ZNF385B: variants seen among roughly 807,000 people sequenced by gnomAD.
ZNF385B encodes zinc finger protein 533.
ZNF385B carries 23 observed loss-of-function variants against 39.2 expected under a neutral mutation model. That is an observed-to-expected ratio of 0.59 (90% CI 0.42 to 0.83). The LOEUF (loss-of-function observed/expected upper bound fraction) is 0.83. ZNF385B is among the 40% of genes least tolerant of loss of function. ZNF385B has a pLI of 0.00. For missense variants in ZNF385B, 552 were observed against 598.9 expected (o/e 0.92, Z 0.82); for synonymous variants, 205 against 222.6 (o/e 0.92, Z 0.70).
At chr2:179,571,097 A>G (rs763904303) in intron 3 of ZNF385B, among the ~76,000 whole-genome samples, 24 of 152,344 alleles carry the variant, frequency 1.6e-4, no homozygotes, top group Non-Finnish European at 2.6e-4. Flanking sequence ...ATAGTAGCTA[A>G]CTTTCATTAA....
intron 3 of ZNF385B, among the ~76,000 whole-genome samples, chr2:179,668,332 T>A (rs1233789843): frequency 6.6e-6 from 1 of 152,268 alleles, no homozygotes; most frequent in African/African-American, 2.4e-5. Context: ...AAAACAGGCA[T>A]CTGAAGAGAC....
At position 179,524,573 on chromosome 2, in the gene ZNF385B, A is replaced by G. The variant is rs1017039785; in HGVS notation, c.442-5935T>C. 2.5e-3 allele frequency among the ~76,000 whole-genome samples: 363 copies of G among 146,224 alleles called. 2 individuals carry two copies. Among genetic ancestry groups the G allele is most frequent in the Non-Finnish European group, 4.2e-3 (281 of 67,376 alleles). On this transcript the variant is annotated intron_variant, in intron 4 of 9. Transcript: ENST00000410066. ...TCTCAAAAAAAAAAAAAAAAAAAAA[A>G]AAAAAAAAAAAAAAAAATTTAAAGT...
At chr2:179,610,528 G>A (rs1336703385) in intron 3 of ZNF385B, among the ~76,000 whole-genome samples, 2 of 152,058 alleles carry the variant, frequency 1.3e-5, no homozygotes, top group Non-Finnish European at 2.9e-5. Flanking sequence ...GGATATCATT[G>A]GCTAATCTGG....
At chr2:179,635,143 GA>G (rs1253128353) in intron 3 of ZNF385B, among the ~76,000 whole-genome samples, 134 of 128,214 alleles carry the variant, frequency 1.0e-3, no homozygotes, top group Middle Eastern at 4.1e-3. Context: ...CTCCGTCTCA[GA>G]AAAAAAAAAA....
intron 1 of ZNF385B, among the ~76,000 whole-genome samples, chr2:179,841,886 G>A (rs1196848071): frequency 6.6e-6 from 1 of 152,284 alleles, no homozygotes; most frequent in East Asian, 1.9e-4. Flanking sequence ...GGCAATGGAC[G>A]CCTGAGAGGA....
chr2:179,576,197 T>C, intron 3 of ZNF385B: 3 of 985,274 alleles, frequency 3.0e-6, no homozygotes, highest in Non-Finnish European at 3.6e-6. Flanking sequence ...CTTCACATCA[T>C]TACTGGACTC....
At chr2:179,816,208 G>A (rs778585582) in intron 1 of ZNF385B, among the ~76,000 whole-genome samples, 6 of 152,022 alleles carry the variant, frequency 3.9e-5, no homozygotes, top group East Asian at 1.9e-4. Context: ...AATCATCAAC[G>A]GGTCTCCATT....
intron 6 of ZNF385B, among the ~76,000 whole-genome samples, chr2:179,468,983 T>A (rs75037613): frequency 0.014 from 2,098 of 152,268 alleles, 44 homozygotes; most frequent in Middle Eastern, 0.037. Context: ...TATAAAAAAA[T>A]TCTAATGTAT....
chr2:179,798,306 CA>C (rs1705807902), intron 1 of ZNF385B, among the ~76,000 whole-genome samples: 1 of 151,960 alleles, frequency 6.6e-6, no homozygotes, highest in Non-Finnish European at 1.5e-5. Context: ...TCTCCAAGGA[CA>C]CCCCATTCCT....
At chr2:179,594,793 A>T (rs1687858696) in intron 3 of ZNF385B, among the ~76,000 whole-genome samples, 1 of 86,540 alleles carries the variant, frequency 1.2e-5, no homozygotes, top group African/African-American at 4.0e-5. Flanking sequence ...GATATAGGTA[A>T]ACTCTTTTTT....
At chr2:179,760,383 T>C (rs766066432) in intron 3 of ZNF385B, among the ~76,000 whole-genome samples, 3 of 152,166 alleles carry the variant, frequency 2.0e-5, no homozygotes, top group Non-Finnish European at 2.9e-5. Flanking sequence ...CCTCTACTTC[T>C]ACAATTTTGC....
intron 3 of ZNF385B, among the ~76,000 whole-genome samples, chr2:179,629,295 C>G (rs1209799564): frequency 6.6e-6 from 1 of 152,210 alleles, no homozygotes; most frequent in African/African-American, 2.4e-5. Context: ...CAGCCAGCAT[C>G]TGAAATTTTA....
At chr2:179,483,460 A>AT (rs778136413) in intron 5 of ZNF385B, 26 bp from the exon 6 acceptor site, 98 of 1,612,864 alleles carry the variant, frequency 6.1e-5, no homozygotes, top group Admixed American at 5.8e-4. Flanking sequence ...AATCAGGCTC[A>AT]TTTTTTTGCT....
intron 3 of ZNF385B, among the ~76,000 whole-genome samples, chr2:179,592,354 T>G (rs1253611676): frequency 6.6e-6 from 1 of 152,252 alleles, no homozygotes; most frequent in Admixed American, 6.5e-5. Context: ...CACTGACCAC[T>G]GTAATTTAAT....
intron 3 of ZNF385B, among the ~76,000 whole-genome samples, chr2:179,756,540 G>A (rs979043303): frequency 2.0e-5 from 3 of 152,108 alleles, no homozygotes; most frequent in Non-Finnish European, 4.4e-5. Context: ...TGCTAGGTTG[G>A]GGAAGTTCTC....
At chr2:179,630,884 A>C (rs764997946) in intron 3 of ZNF385B, among the ~76,000 whole-genome samples, 6 of 152,228 alleles carry the variant, frequency 3.9e-5, no homozygotes, top group Non-Finnish European at 8.8e-5. Flanking sequence ...CACAAGCTTC[A>C]ATAGCTGATT....
chr2:179,630,881 T>A (rs1036688320), intron 3 of ZNF385B, among the ~76,000 whole-genome samples: 1 of 152,164 alleles, frequency 6.6e-6, no homozygotes, highest in African/African-American at 2.4e-5. Flanking sequence ...ATGCACAAGC[T>A]TCAATAGCTG....
At chr2:179,632,786 GA>G (rs1691359243) in intron 3 of ZNF385B, among the ~76,000 whole-genome samples, 1 of 151,876 alleles carries the variant, frequency 6.6e-6, no homozygotes, top group Admixed American at 6.6e-5. Flanking sequence ...AAAAGATCAA[GA>G]AAATTGATAG....
chr2:179,493,763 G>GTATGCATATGTGTA (rs2055762716), intron 5 of ZNF385B, among the ~76,000 whole-genome samples: 1 of 85,354 alleles, frequency 1.2e-5, no homozygotes, highest in Non-Finnish European at 2.6e-5. Context: ...ATACATATAT[G>GTATGCATATGTGTA]TATACATATA....
Sources: allele counts gnomAD v4.1 joint callset (sites outside exome capture counted in the v4.1 genomes callset), GRCh38; gene constraint gnomAD v4.1.1; transcripts MANE v1.5; gene names NCBI Gene and HGNC (gene_info 2026-07-23, HGNC 2026-07-21).